NFIA: variants seen among roughly 807,000 people sequenced by gnomAD.
NFIA encodes the protein nuclear factor 1 A-type.
NFIA carries 8 observed loss-of-function variants against 62.8 expected under a neutral mutation model. The ratio of observed to expected loss-of-function variants is 0.13; its 90% CI spans 0.07 to 0.23. NFIA has a LOEUF of 0.23. NFIA is among the 10% of genes least tolerant of loss of function. The pLI, the probability that NFIA is intolerant of heterozygous loss-of-function variation, is 1.00. For synonymous variants in NFIA, 235 were observed against 238.1 expected (o/e 0.99, Z 0.12); for missense variants, 410 against 642.1 (o/e 0.64, Z 3.91).
chr1:61,237,788 T>G (rs1655094814), intron 2 of NFIA, among the ~76,000 whole-genome samples: 1 of 152,148 alleles, frequency 6.6e-6, no homozygotes, highest in African/African-American at 2.4e-5. Context: ...TTCCCAGATA[T>G]AAAATTGGCA....
intron 2 of NFIA, among the ~76,000 whole-genome samples, chr1:61,111,829 T>TA (rs1316681591): frequency 6.6e-6 from 1 of 152,166 alleles, no homozygotes; most frequent in Non-Finnish European, 1.5e-5. Flanking sequence ...GACTGTCACT[T>TA]ACAATATAAA....
intron 2 of NFIA, among the ~76,000 whole-genome samples, chr1:61,212,767 G>A (rs2100605556): frequency 6.6e-6 from 1 of 152,340 alleles, no homozygotes; most frequent in African/African-American, 2.4e-5. Context: ...CCTGCTCAGT[G>A]TCTGGGTTGC....
chr1:61,257,861 G>GTTTTTTT (rs58077067), intron 2 of NFIA, among the ~76,000 whole-genome samples: 3 of 126,464 alleles, frequency 2.4e-5, no homozygotes, highest in Admixed American at 8.1e-5. Flanking sequence ...ATGCTTAGCT[G>GTTTTTTT]TTTTTTTTTT....
chr1:61,083,867 T>C (rs1029645758), intron 1 of NFIA, among the ~76,000 whole-genome samples: 4 of 152,056 alleles, frequency 2.6e-5, no homozygotes, highest in Non-Finnish European at 4.4e-5. Context: ...CATGGGGCTC[T>C]TGCGCCCCAC....
chr1:61,380,776 G>T (rs1664375724), intron 6 of NFIA, among the ~76,000 whole-genome samples: 1 of 152,120 alleles, frequency 6.6e-6, no homozygotes, highest in Non-Finnish European at 1.5e-5. Flanking sequence ...ATTATACATA[G>T]TTTGGCTGGT....
intron 2 of NFIA, among the ~76,000 whole-genome samples, chr1:61,244,856 A>G (rs1234405946): frequency 6.6e-6 from 1 of 152,216 alleles, no homozygotes; most frequent in Non-Finnish European, 1.5e-5. Flanking sequence ...TCAGGGAATT[A>G]TGCTAAAATT....
chr1:61,443,614 G>T (rs1667681634), intron 10 of NFIA, among the ~76,000 whole-genome samples: 1 of 152,204 alleles, frequency 6.6e-6, no homozygotes, highest in African/African-American at 2.4e-5. Flanking sequence ...GCTCCAGTAT[G>T]AAAAGATGCT....
Position 61,345,233 on chromosome 1 carries a change from A to G in NFIA, c.701-7217A>G, listed in dbSNP as rs537008514. On this transcript the variant is annotated intron_variant, in intron 4 of 10. Coordinates refer to ENST00000403491, the MANE Select transcript of NFIA (RefSeq NM_001134673.4). ...ACAATACTACTTAAGAAAATTGAGG[A>G]GCCTTCAACACAATTTATATGTATT... is the stretch of plus-strand genomic sequence containing the variant. Among the ~76,000 whole-genome samples the G allele has an allele frequency of 2.6e-5, 4 of 152,324 alleles. No individual in the cohort carries two copies. The East Asian group carries it at 7.7e-4, about 29-fold the overall frequency.
intron 6 of NFIA, among the ~76,000 whole-genome samples, chr1:61,380,213 T>C (rs1183171645): frequency 6.6e-6 from 1 of 152,172 alleles, no homozygotes; most frequent in Non-Finnish European, 1.5e-5. Flanking sequence ...AAACAAAACA[T>C]TATGCTAGAT....
chr1:61,384,345 G>A (rs1361002720), intron 7 of NFIA, among the ~76,000 whole-genome samples: 2 of 152,180 alleles, frequency 1.3e-5, no homozygotes, highest in Non-Finnish European at 2.9e-5. Context: ...TCAGGGAAAT[G>A]TGGCAGGTAA....
intron 3 of NFIA, among the ~76,000 whole-genome samples, chr1:61,329,392 T>G (rs1661163510): frequency 6.7e-6 from 1 of 149,570 alleles, no homozygotes; most frequent in South Asian, 2.2e-4. Context: ...TTTTTTTTTT[T>G]TTTTTTTTGA....
intron 2 of NFIA, among the ~76,000 whole-genome samples, chr1:61,260,229 C>T (rs542729469): frequency 4.6e-5 from 7 of 152,362 alleles, no homozygotes; most frequent in Non-Finnish European, 8.8e-5. Flanking sequence ...TTTCCATGCA[C>T]TTTTTCAGAA....
At chr1:61,296,689 C>T (rs1440964116) in intron 3 of NFIA, among the ~76,000 whole-genome samples, 1 of 152,094 alleles carries the variant, frequency 6.6e-6, no homozygotes, top group Non-Finnish European at 1.5e-5. Context: ...TTTTGAGCCT[C>T]GATTTCTACC....
At chr1:61,439,259 G>A in intron 10 of NFIA, among the ~76,000 whole-genome samples, 1 of 152,104 alleles carries the variant, frequency 6.6e-6, no homozygotes, top group Admixed American at 6.5e-5. Context: ...CTGCCAGAGT[G>A]GCTGGTACAG....
chr1:61,144,230 C>G (rs1206736385), intron 2 of NFIA, among the ~76,000 whole-genome samples: 1 of 152,118 alleles, frequency 6.6e-6, no homozygotes, highest in Non-Finnish European at 1.5e-5. Flanking sequence ...TGGTCCCCAC[C>G]CCCGACTTAC....
intron 6 of NFIA, among the ~76,000 whole-genome samples, chr1:61,377,252 A>T (rs1245102448): frequency 6.6e-6 from 1 of 151,950 alleles, no homozygotes; most frequent in African/African-American, 2.4e-5. Context: ...AAGAAAATGT[A>T]AGGATTTGAG....
intron 2 of NFIA, among the ~76,000 whole-genome samples, chr1:61,163,385 TC>T (rs1406155691): frequency 6.6e-6 from 1 of 152,230 alleles, no homozygotes; most frequent in Non-Finnish European, 1.5e-5. Flanking sequence ...TCAGTTCTTT[TC>T]TTTGAGACTC....
chr1:61,315,244 T>C (rs1047285253), intron 3 of NFIA, among the ~76,000 whole-genome samples: 2 of 152,224 alleles, frequency 1.3e-5, no homozygotes, highest in Non-Finnish European at 2.9e-5. Context: ...TTGTTGCTAA[T>C]GGTGACACTG....
intron 4 of NFIA, among the ~76,000 whole-genome samples, chr1:61,344,182 G>A (rs988023787): frequency 2.0e-5 from 3 of 152,084 alleles, no homozygotes; most frequent in African/African-American, 4.8e-5. Context: ...TCCCTTTAAC[G>A]ATGATTCCAG....
Sources: gnomAD v4.1 joint callset for allele counts (sites outside exome capture counted in the v4.1 genomes callset) on GRCh38, gnomAD v4.1.1 for gene constraint, MANE v1.5 for transcripts, NCBI Gene and HGNC (gene_info 2026-07-23, HGNC 2026-07-21) for gene names.